NR6A1: variants seen among roughly 807,000 people sequenced by gnomAD.
NR6A1 encodes nuclear receptor subfamily 6 group A member 1.
Under a neutral mutation model 59.1 loss-of-function variants are expected in NR6A1, and 7 were observed. The observed-to-expected ratio is 0.12, with a 90% CI of 0.07 to 0.22. NR6A1 has a LOEUF of 0.22. Among genes scored for constraint, NR6A1 ranks in the 10% least tolerant of loss-of-function variants. The pLI is 1.00. For synonymous variants in NR6A1, 243 were observed against 236.1 expected (o/e 1.03, Z -0.27); for missense variants, 468 against 611.6 (o/e 0.77, Z 2.48).
At chr9:124,722,901 G>A (rs1298565993) in intron 2 of NR6A1, among the ~76,000 whole-genome samples, 1 of 151,918 alleles carries the variant, frequency 6.6e-6, no homozygotes, top group Non-Finnish European at 1.5e-5. Context: ...ATGTTGTCCA[G>A]GCTGGTCTCA....
intron 1 of NR6A1, among the ~76,000 whole-genome samples, chr9:124,762,982 G>A (rs958869468): frequency 2.6e-5 from 4 of 152,098 alleles, no homozygotes; most frequent in East Asian, 1.9e-4. Flanking sequence ...CTCACTGTTC[G>A]TTTAAGAAAA....
intron 2 of NR6A1, among the ~76,000 whole-genome samples, chr9:124,719,185 G>A (rs1416672163): frequency 2.0e-5 from 3 of 151,128 alleles, no homozygotes; most frequent in African/African-American, 4.9e-5. Flanking sequence ...CTGTAGCCTC[G>A]ACCTCCCAGG....
At chr9:124,749,707 C>T (rs1278217181) in intron 1 of NR6A1, among the ~76,000 whole-genome samples, 1 of 152,190 alleles carries the variant, frequency 6.6e-6, no homozygotes, top group East Asian at 1.9e-4. Context: ...ACTATAGATG[C>T]ACACCATCAC....
intron 1 of NR6A1, among the ~76,000 whole-genome samples, chr9:124,768,473 C>T (rs941015542): frequency 2.6e-5 from 4 of 152,186 alleles, no homozygotes; most frequent in Non-Finnish European, 5.9e-5. Context: ...AATTGTAAAA[C>T]ATTGCACAAT....
chr9:124,568,211 C>T (rs1430319512), intron 2 of NR6A1, among the ~76,000 whole-genome samples: 2 of 135,194 alleles, frequency 1.5e-5, no homozygotes, highest in African/African-American at 5.4e-5. Flanking sequence ...AGAGGCTGGG[C>T]GTGGTGGCTC....
At chr9:124,577,523 C>T (rs1410204685) in intron 2 of NR6A1, among the ~76,000 whole-genome samples, 2 of 152,184 alleles carry the variant, frequency 1.3e-5, no homozygotes, top group Non-Finnish European at 2.9e-5. Flanking sequence ...AATTTCAGAG[C>T]CAGAGGGGAC....
chr9:124,538,132 C>G lies in NR6A1; in HGVS notation c.784G>C (p.Asp262His), dbSNP rs746155907. 1.2e-6 allele frequency: 2 copies of G among 1,613,638 alleles called. No individual in the cohort carries two copies. Among genetic ancestry groups the G allele is most frequent in the African/African-American group, 2.7e-5 (2 of 74,918 alleles). Reference protein sequence around the residue: ...SLIHQLLSAEDLEPLGTPMLI... With the variant: ...SLIHQLLSAEHLEPLGTPMLI... ...ATGGGCGTGCCCAATGGTTCCAGGT[C>G]CTCGGCTGATAACAGCTGGTGAATC... Residue 262 changes from aspartate to histidine, a missense_variant, in exon 6 of 10, where the codon GAC (aspartate) becomes CAC (histidine). Asp to His is a moderately conservative substitution (Grantham distance 81). Around this residue, in one of 4 missense-constraint regions of NR6A1, gnomAD observed 151 missense variants for 142.8 expected, o/e 1.06. Transcript: ENST00000487099.
intron 2 of NR6A1, among the ~76,000 whole-genome samples, chr9:124,626,129 C>A (rs1179801399): frequency 1.3e-5 from 2 of 152,220 alleles, no homozygotes; most frequent in African/African-American, 4.8e-5. Context: ...CGTCAGCCTT[C>A]CGAGCAGCTG....
intron 2 of NR6A1, among the ~76,000 whole-genome samples, chr9:124,600,946 TG>T: frequency 8.1e-6 from 1 of 122,830 alleles, no homozygotes; most frequent in African/African-American, 3.2e-5. Flanking sequence ...TGACTGGCTG[TG>T]GGGGAAAAAA....
chr9:124,701,242 C>A (rs1455564121), intron 2 of NR6A1, among the ~76,000 whole-genome samples: 1 of 152,154 alleles, frequency 6.6e-6, no homozygotes, highest in Non-Finnish European at 1.5e-5. Flanking sequence ...CTTTCTAGAA[C>A]ATTTTGACAG....
At chr9:124,733,233 T>A in intron 2 of NR6A1, 75 bp downstream of exon 2, 1 of 1,096,634 alleles carries the variant, frequency 9.1e-7, no homozygotes, top group Admixed American at 1.8e-5. Flanking sequence ...CAATGACACC[T>A]TAAGTTATTC....
intron 2 of NR6A1, among the ~76,000 whole-genome samples, chr9:124,667,700 C>T (rs1165466654): frequency 2.0e-5 from 3 of 152,168 alleles, no homozygotes; most frequent in African/African-American, 7.2e-5. Flanking sequence ...GCATGTCTTT[C>T]CTCTGAAGAC....
intron 6 of NR6A1, 80 bp downstream of exon 6, chr9:124,538,012 T>C (rs970912002): frequency 1.4e-5 from 16 of 1,176,186 alleles, no homozygotes; most frequent in Non-Finnish European, 2.0e-5. Context: ...GCCACGGGTA[T>C]AGGAGCCAGG....
chr9:124,660,648 C>CA (rs753242760), intron 2 of NR6A1, among the ~76,000 whole-genome samples: 49,587 of 92,880 alleles, frequency 0.53, 11,893 homozygotes, highest in Admixed American at 0.61. Flanking sequence ...TCTGAGAATA[C>CA]AAAAAAAAAA....
At chr9:124,643,108 G>C (rs1836814479) in intron 2 of NR6A1, among the ~76,000 whole-genome samples, 1 of 115,440 alleles carries the variant, frequency 8.7e-6, no homozygotes, top group Admixed American at 1.0e-4. Context: ...GGGTGGGGGG[G>C]GGGAACAAAA....
chr9:124,567,239 G>A (rs372262705), intron 2 of NR6A1, among the ~76,000 whole-genome samples: 23 of 152,308 alleles, frequency 1.5e-4, no homozygotes, highest in Admixed American at 3.3e-4. Context: ...ACACACAGAA[G>A]AGTTGAAGCT....
At chr9:124,744,567 A>C (rs954936144) in intron 1 of NR6A1, among the ~76,000 whole-genome samples, 6 of 152,216 alleles carry the variant, frequency 3.9e-5, no homozygotes, top group Non-Finnish European at 8.8e-5. Flanking sequence ...AACTTAGCAT[A>C]ATCTCAAAGA....
chr9:124,720,555 A>C (rs1054719443), intron 2 of NR6A1, among the ~76,000 whole-genome samples: 20 of 152,184 alleles, frequency 1.3e-4, no homozygotes, highest in Admixed American at 1.3e-3. Context: ...AGCACATTCA[A>C]TTTTGGTTCA....
intron 2 of NR6A1, among the ~76,000 whole-genome samples, chr9:124,715,707 G>GGA (rs1424730895): frequency 3.3e-5 from 5 of 151,728 alleles, no homozygotes; most frequent in Non-Finnish European, 7.4e-5. Context: ...ACGGAAGTGG[G>GGA]GAGAAAAAAA....
Sources: gnomAD v4.1 joint callset for allele counts (sites outside exome capture counted in the v4.1 genomes callset) on GRCh38, gnomAD v4.1.1 for gene constraint, gnomAD v4.1.1 regional missense constraint, MANE v1.5 for transcripts, NCBI Gene and HGNC (gene_info 2026-07-23, HGNC 2026-07-21) for gene names.